Variants in ZBTB16 observed in about 807,000 individuals in gnomAD.
ZBTB16 encodes the protein zinc finger and BTB domain containing 16, also known as zinc finger and BTB domain-containing protein 16.
In ZBTB16, 8 loss-of-function variants were observed where a neutral mutation model predicts 56.8. The observed-to-expected ratio is 0.14, with a 90% confidence interval of 0.08 to 0.25. The LOEUF is 0.25. ZBTB16 is among the 10% of genes least tolerant of loss of function. The pLI is 1.00. For synonymous variants in ZBTB16, 363 were observed against 368.5 expected (o/e 0.98, Z 0.17); for missense variants, 625 against 903.0 (o/e 0.69, Z 3.95).
chr11:114,101,513 C>T (rs374022105), intron 2 of ZBTB16, among the ~76,000 whole-genome samples: 22 of 152,090 alleles, frequency 1.4e-4, no homozygotes, highest in South Asian at 4.1e-4. Context: ...AACTGAGTGA[C>T]TGAAGAGAGG....
rs564258270 is a variant in ZBTB16, at chr11:114,064,259, C to A, written c.959C>A (p.Pro320His). The change falls in exon 2 of 7, where the codon CCT becomes CAT. Residue 320 changes from proline to histidine, a missense_variant. Pro to His is a moderately conservative substitution (Grantham distance 77). This residue lies in a region of ZBTB16 where 384 missense variants were observed against 393.5 expected (regional missense o/e 0.98). Coordinates refer to ENST00000335953, the MANE Select transcript of ZBTB16 (RefSeq NM_006006.6). This position sits in a 1 kb window ranked among gnomAD's most constrained non-coding sequence, Gnocchi z 4.2. ...GCTGGCCAGGCCCCCACTGGCCGAC[C>A]TGAGCACCCAGCACCCCCGCCTGAG... ...AEAGQAPTGR[P>H]EHPAPPPEKH... The A allele has an allele frequency of 3.7e-6, 6 of 1,614,066 alleles. No homozygotes were observed. The South Asian group carries it at 6.6e-5, about 18-fold the overall frequency.
chr11:114,117,319 G>A (rs1009721107), intron 2 of ZBTB16, among the ~76,000 whole-genome samples: 2 of 152,134 alleles, frequency 1.3e-5, no homozygotes, highest in African/African-American at 4.8e-5. Context: ...GGGAGAAGGT[G>A]TTGAAAGGTT....
At chr11:114,198,906 T>C (rs545621698) in intron 4 of ZBTB16, among the ~76,000 whole-genome samples, 2 of 152,360 alleles carry the variant, frequency 1.3e-5, no homozygotes, top group South Asian at 4.1e-4. Flanking sequence ...TGCTCTGCCC[T>C]TTCATCACCC....
chr11:114,236,334 C>T (rs534131201), intron 4 of ZBTB16, among the ~76,000 whole-genome samples: 3 of 152,312 alleles, frequency 2.0e-5, no homozygotes, highest in South Asian at 2.1e-4. Context: ...AGGTTAAGGA[C>T]AACCACTGCC....
At chr11:114,247,946 G>A (rs928258956) in intron 6 of ZBTB16, among the ~76,000 whole-genome samples, 4 of 151,452 alleles carry the variant, frequency 2.6e-5, no homozygotes, top group African/African-American at 7.3e-5. Flanking sequence ...TGGCCAGGCC[G>A]GAGTGCAGTG....
chr11:114,217,541 G>A (rs1944132971), intron 4 of ZBTB16, among the ~76,000 whole-genome samples: 1 of 152,182 alleles, frequency 6.6e-6, no homozygotes, highest in South Asian at 2.1e-4. Context: ...GGCCAAGCAG[G>A]TTTGAGAGGC....
intron 2 of ZBTB16, among the ~76,000 whole-genome samples, chr11:114,146,607 G>T (rs1942111048): frequency 6.6e-6 from 1 of 152,096 alleles, no homozygotes; most frequent in Non-Finnish European, 1.5e-5. Flanking sequence ...AGCACTTTGG[G>T]AGGCCGAGGC....
At chr11:114,246,203 G>C (rs1944812550) in intron 5 of ZBTB16, among the ~76,000 whole-genome samples, 1 of 152,186 alleles carries the variant, frequency 6.6e-6, no homozygotes, top group Admixed American at 6.5e-5. Context: ...ACAAGGATGG[G>C]TGAGGCTTGC....
chr11:114,235,212 C>T (rs1049346334), intron 4 of ZBTB16, among the ~76,000 whole-genome samples: 2 of 152,112 alleles, frequency 1.3e-5, no homozygotes, highest in African/African-American at 4.8e-5. Flanking sequence ...GAAGCCCCTC[C>T]GGGGTACATG....
In ZBTB16 at chr11:114,063,528, G is replaced by A. The variant is rs769868057; in HGVS notation, c.228G>A (p.Ser76=). 23 of 1,614,062 alleles carry A rather than the reference G, an allele frequency of 1.4e-5. No homozygotes were observed. The highest frequency in any genetic ancestry group is 3.3e-4 in the Middle Eastern group (2 of 6,084). ...AACACTATACTTTGGACTTCCTCTC[G>A]CCAAAGACCTTCCAGCAGATTCTGG... ...NSQHYTLDFL[S]PKTFQQILEY... Residue 76 remains serine (S), a synonymous_variant, in exon 2 of 7, where the codon TCG becomes TCA. Transcript: ENST00000335953. This position sits in a 1 kb window ranked among gnomAD's most constrained non-coding sequence, Gnocchi z 6.5.
intron 2 of ZBTB16, among the ~76,000 whole-genome samples, chr11:114,102,407 T>A (rs2137756604): frequency 6.6e-6 from 1 of 152,250 alleles, no homozygotes; most frequent in East Asian, 1.9e-4. Context: ...TTGGTGAGTT[T>A]TTTTTACTCT....
At chr11:114,097,598 A>G (rs1205592631) in intron 2 of ZBTB16, among the ~76,000 whole-genome samples, 1 of 152,194 alleles carries the variant, frequency 6.6e-6, no homozygotes, top group Non-Finnish European at 1.5e-5. Flanking sequence ...AAAAAAACAC[A>G]CATCGCCTGT....
At chr11:114,233,058 C>G (rs1591802231) in intron 4 of ZBTB16, among the ~76,000 whole-genome samples, 1 of 128,656 alleles carries the variant, frequency 7.8e-6, no homozygotes, top group African/African-American at 2.7e-5. Flanking sequence ...CTCTACTGCA[C>G]ATACGCATGC....
At chr11:114,180,428 G>A (rs758409163) in intron 3 of ZBTB16, among the ~76,000 whole-genome samples, 5 of 152,180 alleles carry the variant, frequency 3.3e-5, no homozygotes, top group Non-Finnish European at 5.9e-5. Context: ...TGACTGTAGC[G>A]GAGGGAAGGG....
In ZBTB16 at chr11:114,083,916, C is replaced by G. The variant is rs1174471886; in HGVS notation, c.1268+19348C>G. Among the ~76,000 whole-genome samples the G allele has an allele frequency of 2.0e-5, 3 of 152,066 alleles. No homozygotes were observed. In the South Asian group the frequency reaches 6.2e-4, roughly 32 times the overall value. ...TAGTTCCTCTCATGATTCTTATAAC[C>G]CTCTCTCAGATACTTCCAGGATGAT... On this transcript the variant is annotated intron_variant, in intron 2 of 6. Coordinates refer to ENST00000335953, the MANE Select transcript of ZBTB16 (RefSeq NM_006006.6).
At chr11:114,146,565 G>T (rs1196679706) in intron 2 of ZBTB16, among the ~76,000 whole-genome samples, 1 of 152,058 alleles carries the variant, frequency 6.6e-6, no homozygotes, top group Non-Finnish European at 1.5e-5. Context: ...CCTCAGTTGG[G>T]GCTAGGCACG....
intron 2 of ZBTB16, among the ~76,000 whole-genome samples, chr11:114,134,693 C>A (rs1210100110): frequency 1.3e-5 from 2 of 150,850 alleles, no homozygotes; most frequent in African/African-American, 5.0e-5. Context: ...AACTGAAAAT[C>A]CTCAAATGTG....
At chr11:114,211,820 C>T (rs1443554581) in intron 4 of ZBTB16, among the ~76,000 whole-genome samples, 1 of 152,204 alleles carries the variant, frequency 6.6e-6, no homozygotes, top group East Asian at 1.9e-4. Flanking sequence ...GCGATGAAAG[C>T]TGTAAAACGA....
chr11:114,221,180 C>T (rs1046834648), intron 4 of ZBTB16, among the ~76,000 whole-genome samples: 3 of 152,130 alleles, frequency 2.0e-5, no homozygotes, highest in Non-Finnish European at 4.4e-5. Flanking sequence ...AAGAGCCAAG[C>T]AGCAATATCA....
Sources: gnomAD v4.1 joint callset for allele counts (sites outside exome capture counted in the v4.1 genomes callset) on GRCh38, gnomAD v4.1.1 for gene constraint, gnomAD v4.1.1 regional missense constraint, Gnocchi (gnomAD v3.1) non-coding constraint, MANE v1.5 for transcripts, NCBI Gene and HGNC (gene_info 2026-07-23, HGNC 2026-07-21) for gene names.